The following CAMK1D variants were observed in gnomAD, a reference collection of about 807,000 sequenced individuals.
CAMK1D encodes the protein calcium/calmodulin-dependent protein kinase type 1D.
In CAMK1D, 9 loss-of-function variants were observed where a neutral mutation model predicts 47.7. That is an observed-to-expected ratio of 0.19 (90% confidence interval 0.11 to 0.33). The LOEUF (loss-of-function observed/expected upper bound fraction) is 0.33, where lower values mean the gene tolerates loss of function less well. Among genes scored for constraint, CAMK1D ranks in the 10% least tolerant of loss-of-function variants. CAMK1D has a pLI of 1.00. For missense variants in CAMK1D, 291 were observed against 488.7 expected, an observed-to-expected ratio of 0.60 and a Z score of 3.81; for synonymous variants, 184 against 184.9, an observed-to-expected ratio of 0.99 and a Z score of 0.04.
chr10:12,673,112 T>C (rs1373437672), intron 3 of CAMK1D, among the ~76,000 whole-genome samples: 2 of 152,036 alleles, frequency 1.3e-5, no homozygotes, highest in Admixed American at 1.3e-4. Flanking sequence ...CTCGAATGCC[T>C]GAGCTCAGGC....
intron 2 of CAMK1D, among the ~76,000 whole-genome samples, chr10:12,596,689 C>T (rs1838155001): frequency 6.6e-6 from 1 of 152,036 alleles, no homozygotes; most frequent in Non-Finnish European, 1.5e-5. Context: ...TCCCTACCCT[C>T]AAAGATTTGG....
At chr10:12,756,971 G>C (rs1338154402) in intron 3 of CAMK1D, among the ~76,000 whole-genome samples, 2 of 152,132 alleles carry the variant, frequency 1.3e-5, no homozygotes, top group Non-Finnish European at 2.9e-5. Context: ...GCAGAGGCAG[G>C]CTGTTGTAAA....
At chr10:12,649,149 G>A (rs1012075822) in intron 2 of CAMK1D, among the ~76,000 whole-genome samples, 6 of 152,202 alleles carry the variant, frequency 3.9e-5, no homozygotes, top group Non-Finnish European at 8.8e-5. Flanking sequence ...TGACAGGCAC[G>A]TGCTCCCACA....
chr10:12,536,134 C>T lies in CAMK1D; in HGVS notation c.93-17091C>T, dbSNP rs373870569. Among the ~76,000 whole-genome samples the T allele has an allele frequency of 1.1e-4, 16 of 151,872 alleles. No homozygotes were observed. In the East Asian group the frequency reaches 2.9e-3, roughly 28 times the overall value. On this transcript the variant is annotated intron_variant, in intron 1 of 10. Coordinates refer to ENST00000619168, the MANE Select transcript of CAMK1D (RefSeq NM_153498.4). ...AAAATCATGAAAGATTTCAAATTTA[C>T]CCAAAAGTGTAGAAAAATAAGTGAA...
intron 2 of CAMK1D, among the ~76,000 whole-genome samples, chr10:12,590,970 C>T (rs1055630320): frequency 6.6e-6 from 1 of 152,216 alleles, no homozygotes; most frequent in Admixed American, 6.5e-5. Flanking sequence ...TAAATTGCAT[C>T]AATCTTTATG....
chr10:12,604,384 G>T (rs984966791), intron 2 of CAMK1D, among the ~76,000 whole-genome samples: 3 of 152,154 alleles, frequency 2.0e-5, no homozygotes, highest in Admixed American at 1.3e-4. Context: ...CGTTAATAAG[G>T]AATCAGATAA....
intron 2 of CAMK1D, among the ~76,000 whole-genome samples, chr10:12,568,434 C>G (rs1381639659): frequency 2.0e-5 from 1 of 51,146 alleles, no homozygotes; most frequent in East Asian, 4.7e-4. Context: ...CCCTCCCCTC[C>G]CCTTCCTTTC....
intron 4 of CAMK1D, among the ~76,000 whole-genome samples, chr10:12,761,563 A>C (rs577613239): frequency 6.6e-6 from 1 of 152,132 alleles, no homozygotes; most frequent in Admixed American, 6.5e-5. Context: ...GAAGAGGGAG[A>C]AGAGAAATAG....
intron 1 of CAMK1D, among the ~76,000 whole-genome samples, chr10:12,431,662 T>TG (rs1832480231): frequency 6.6e-6 from 1 of 152,190 alleles, no homozygotes; most frequent in African/African-American, 2.4e-5. Context: ...GGGCCAGAGC[T>TG]GGGGGCGTCC....
At chr10:12,785,337 A>G (rs3824653) in intron 5 of CAMK1D, among the ~76,000 whole-genome samples, 105,335 of 152,056 alleles carry the variant, frequency 0.69, 36,707 homozygotes, top group East Asian at 0.86. Flanking sequence ...TACACAAGCC[A>G]TGGAGCCTTT....
chr10:12,458,177 G>A (rs917419929), intron 1 of CAMK1D, among the ~76,000 whole-genome samples: 1 of 152,302 alleles, frequency 6.6e-6, no homozygotes, highest in South Asian at 2.1e-4. Context: ...CCCATGCACT[G>A]TCTGCTGTTG....
At position 12,515,402 on chromosome 10, in the gene CAMK1D, CT is replaced by C. The variant is rs772694725; in HGVS notation, c.93-37808del. Among the ~76,000 whole-genome samples, 485 of 101,998 alleles carry C rather than the reference CT, an allele frequency of 4.8e-3. 2 individuals carry two copies. Among genetic ancestry groups the C allele is most frequent in the Middle Eastern group, 0.015 (3 of 202 alleles). 66.9% of individuals were successfully genotyped at this position (101,998 alleles called of 152,430 possible). A position where few individuals can be genotyped will look rare whatever the true frequency, so the allele number is the denominator to read the frequency against. On this transcript the variant is annotated intron_variant, in intron 1 of 10. Coordinates refer to ENST00000619168, the MANE Select transcript of CAMK1D (RefSeq NM_153498.4). ...TCGCTTTGCCTATAGTTTTCCTTTT[CT>C]TTTTTTTTTTTTTTCTTTTTTTTTT...
chr10:12,740,139 G>A (rs1056292728), intron 3 of CAMK1D, among the ~76,000 whole-genome samples: 7 of 152,264 alleles, frequency 4.6e-5, no homozygotes, highest in African/African-American at 1.4e-4. Flanking sequence ...TTTTCCTGGG[G>A]CCTCACCTCT....
At chr10:12,572,812 G>T (rs999745904) in intron 2 of CAMK1D, among the ~76,000 whole-genome samples, 1 of 151,946 alleles carries the variant, frequency 6.6e-6, no homozygotes, top group Non-Finnish European at 1.5e-5. Context: ...AAATTTTTTT[G>T]TAGAGATGGG....
chr10:12,527,559 G>A (rs1835666851), intron 1 of CAMK1D, among the ~76,000 whole-genome samples: 1 of 151,948 alleles, frequency 6.6e-6, no homozygotes, highest in Non-Finnish European at 1.5e-5. Flanking sequence ...GTAGAGACAG[G>A]GTTTCACCAT....
At chr10:12,477,011 G>T in intron 1 of CAMK1D, among the ~76,000 whole-genome samples, 1 of 152,194 alleles carries the variant, frequency 6.6e-6, no homozygotes, top group Non-Finnish European at 1.5e-5. Context: ...TATGTAGGCA[G>T]TTGGGTGGAG....
intron 1 of CAMK1D, among the ~76,000 whole-genome samples, chr10:12,506,644 G>A (rs1254410813): frequency 1.3e-5 from 2 of 151,812 alleles, no homozygotes; most frequent in African/African-American, 4.8e-5. Flanking sequence ...TCAGCCTCAC[G>A]AGTAGCTGGG....
At chr10:12,391,976 A>AACACACACACAC (rs10659393) in intron 1 of CAMK1D, among the ~76,000 whole-genome samples, 236 of 143,244 alleles carry the variant, frequency 1.6e-3, no homozygotes, top group East Asian at 6.0e-3. Flanking sequence ...CTTGTCTTAA[A>AACACACACACAC]ACACACACAC....
chr10:12,393,604 A>G (rs1488932131), intron 1 of CAMK1D, among the ~76,000 whole-genome samples: 2 of 152,164 alleles, frequency 1.3e-5, no homozygotes, highest in African/African-American at 2.4e-5. Context: ...CAGCTTTGGG[A>G]GACACTCCCT....
Sources: gnomAD v4.1 joint callset for allele counts (sites outside exome capture counted in the v4.1 genomes callset) on GRCh38, gnomAD v4.1.1 for gene constraint, MANE v1.5 for transcripts, NCBI Gene and HGNC (gene_info 2026-07-23, HGNC 2026-07-21) for gene names.